The following MLX variants were observed in gnomAD, a reference collection of about 807,000 sequenced individuals.
MLX encodes max-like protein X.
MLX carries 15 observed loss-of-function variants against 33.0 expected under a neutral mutation model. The observed-to-expected ratio is 0.45, with a 90% CI of 0.30 to 0.70. MLX has a LOEUF of 0.70. MLX is among the 30% of genes least tolerant of loss of function. The pLI is 0.07. For missense variants in MLX, 285 were observed against 306.3 expected (o/e 0.93, Z 0.52); for synonymous variants, 115 against 115.6 (o/e 0.99, Z 0.03).
chr17:42,568,509 C>T lies in MLX; in HGVS notation c.119C>T (p.Ser40Phe). 6.2e-7 allele frequency: 1 copy of T among 1,613,906 alleles called. No homozygotes were observed. The highest frequency in any genetic ancestry group is 8.5e-7 in the Non-Finnish European group (1 of 1,179,912). The change falls in exon 3 of 8, where the codon TCC becomes TTC. Residue 40 changes from serine to phenylalanine, a missense_variant. Physicochemically the swap from Ser to Phe is radical, Grantham distance 155. Coordinates refer to ENST00000435881, the MANE Select transcript of MLX (RefSeq NM_198204.2). The stretch of plus-strand genomic sequence containing the variant: ...AGCACCCGCAAGGGGAGTGTAGTGT[C>T]CAGAGCTAATAGCATCGGTTCCACC... ...VESTRKGSVV[S>F]RANSIGSTSA...
At chr17:42,571,002 G>C in intron 7 of MLX, among the ~76,000 whole-genome samples, 1 of 152,092 alleles carries the variant, frequency 6.6e-6, no homozygotes, top group East Asian at 1.9e-4. Context: ...ATATTGCGAT[G>C]TTGAGAGGAG....
chr17:42,571,891 A>G lies in MLX; in HGVS notation c.*288A>G, dbSNP rs892418286. ...GATGGGCGTCTGCTCTGGACACCCC[A>G]AAGAGCTCCTGCCCTCTCAGCCCTT... On this transcript the variant is annotated 3_prime_UTR_variant, in exon 8 of 8. Transcript: ENST00000435881. 4.5e-6 allele frequency: 2 copies of G among 443,108 alleles called. No homozygotes were observed. Among genetic ancestry groups the G allele is most frequent in the Non-Finnish European group, 8.2e-6 (2 of 243,162 alleles). The allele number at this position is 443,108 out of a possible 1,614,324, so 27.4% of individuals were successfully genotyped here.
chr17:42,569,751 A>G (rs1377023148), intron 6 of MLX, 145 bp downstream of exon 6: 4 of 748,290 alleles, frequency 5.3e-6, no homozygotes, highest in Non-Finnish European at 9.1e-6. Flanking sequence ...TGTATCCCCA[A>G]CTGTCCTTAC....
At chr17:42,567,242 G>T in intron 1 of MLX, 76 bp downstream of exon 1, 1 of 1,317,524 alleles carries the variant, frequency 7.6e-7, no homozygotes. Flanking sequence ...CGGAAGACGA[G>T]GGGCTTCCCT....
At chr17:42,570,787 C>T (rs1312498386) in intron 7 of MLX, among the ~76,000 whole-genome samples, 1 of 152,100 alleles carries the variant, frequency 6.6e-6, no homozygotes, top group East Asian at 1.9e-4. Flanking sequence ...TCCCGAGTAG[C>T]TGGGACTACA....
rs370634053 is a variant in MLX, at chr17:42,568,832, C to T, written c.170-5C>T. ...ACCTTTCCCTGCCCCCATCTCTGAGCGTAGATGATGAGGACAGTGATTACC... is the reference window on the plus strand; with the variant it reads ...ACCTTTCCCTGCCCCCATCTCTGAGTGTAGATGATGAGGACAGTGATTACC... On this transcript the variant is annotated splice_region_variant and splice_polypyrimidine_tract_variant and intron_variant, in intron 3 of 7. Coordinates refer to ENST00000435881, the MANE Select transcript of MLX (RefSeq NM_198204.2). The T allele has an allele frequency of 1.5e-4, 234 of 1,600,980 alleles. No homozygotes were observed. Among genetic ancestry groups the T allele is most frequent in the Admixed American group, 1.9e-4 (11 of 58,498 alleles).
At chr17:42,570,318 T>C (rs1428593198) in intron 7 of MLX, 135 bp downstream of exon 7, 36 of 759,746 alleles carry the variant, frequency 4.7e-5, no homozygotes, top group Non-Finnish European at 7.1e-5. Flanking sequence ...TTGAGGGCCC[T>C]GGTATTTTCC....
Position 42,568,535 on chromosome 17 carries a change from A to C in MLX, c.145A>C (p.Ser49Arg), listed in dbSNP as rs746067080. Reference sequence around the variant, plus strand: ...CAGAGCTAATAGCATCGGTTCCACCAGTGCCTCTTCTGTCCCCAACACAGG... The same window carrying C: ...CAGAGCTAATAGCATCGGTTCCACCCGTGCCTCTTCTGTCCCCAACACAGG... ...VSRANSIGSTSASSVPNTDDE... is the reference protein window; with the variant it reads ...VSRANSIGSTRASSVPNTDDE... The change falls in exon 3 of 8, where the codon AGT becomes CGT. Residue 49 changes from serine to arginine, a missense_variant. Transcript: ENST00000435881. The C allele has an allele frequency of 6.2e-7, 1 of 1,613,846 alleles. No individual in the cohort carries two copies.
chr17:42,568,803 G>C lies in MLX; in HGVS notation c.170-34G>C, dbSNP rs201795701. The stretch of plus-strand genomic sequence containing the variant: ...CTAGCTGGACCCCACTGGGCCCCAA[G>C]ATGACCTTTCCCTGCCCCCATCTCT... On this transcript the variant is annotated intron_variant, in intron 3 of 7. Coordinates refer to ENST00000435881, the MANE Select transcript of MLX (RefSeq NM_198204.2). The C allele has an allele frequency of 1.8e-4, 282 of 1,560,768 alleles. 1 individual carries two copies. Among genetic ancestry groups the C allele is most frequent in the Non-Finnish European group, 4.5e-5 (51 of 1,145,952 alleles).
intron 6 of MLX, 112 bp from the exon 7 acceptor site, chr17:42,569,870 C>A: frequency 1.9e-6 from 2 of 1,061,496 alleles, no homozygotes; most frequent in African/African-American, 1.6e-5. Context: ...CTGAACCCCA[C>A]CCAGAAGCTC....
At chr17:42,568,592 G>T (rs372463522) in intron 3 of MLX, 33 bp downstream of exon 3, 34 of 1,566,500 alleles carry the variant, frequency 2.2e-5, no homozygotes, top group South Asian at 4.4e-5. Flanking sequence ...ACCTCGGGGG[G>T]CTCAGATATG....
In MLX at chr17:42,569,231, G is replaced by T; in HGVS notation, c.304G>T (p.Val102Phe). 6.2e-7 allele frequency: 1 copy of T among 1,614,022 alleles called. No individual in the cohort carries two copies. The highest frequency in any genetic ancestry group is 8.5e-7 in the Non-Finnish European group (1 of 1,180,008). The change falls in exon 5 of 8, where the codon GTC (valine) becomes TTC (phenylalanine). Residue 102 changes from valine to phenylalanine, a missense_variant. By Grantham distance (50) the Val-to-Phe change is conservative. Transcript: ENST00000435881. The part of the protein sequence containing the change: ...KRGYDDLQTI[V>F]PTCQQQDFSI... ...AGGCTATGATGACCTTCAGACCATC[G>T]TCCCCACTTGCCAGCAGCAGGACTT... is the stretch of plus-strand genomic sequence containing the variant.
chr17:42,571,610 C>T lies in MLX; in HGVS notation c.*7C>T, dbSNP rs777328045. ...GAAAAACCAGCTTTACTGACCGGTT[C>T]TTGGAAACCTGGAGAACAGCCAACA... is the stretch of plus-strand genomic sequence containing the variant. On this transcript the variant is annotated 3_prime_UTR_variant, in exon 8 of 8. Transcript: ENST00000435881. 1 of 1,612,566 alleles carries T rather than the reference C, an allele frequency of 6.2e-7. No individual in the cohort carries two copies. Among genetic ancestry groups the T allele is most frequent in the Non-Finnish European group, 8.5e-7 (1 of 1,178,704 alleles).
intron 6 of MLX, 140 bp from the exon 7 acceptor site, chr17:42,569,842 A>ATTCC: frequency 1.3e-6 from 1 of 797,584 alleles, no homozygotes; most frequent in Non-Finnish European, 2.0e-6. Context: ...CTGACCTGGA[A>ATTCC]GCAGTATCTC....
chr17:42,568,954 A>T lies in MLX; in HGVS notation c.276+11A>T. ...AGGGACGCCATCAAGGTGAACAGGG[A>T]GGCCTGTGCCTCAGCCAGTGCGGGA... On this transcript the variant is annotated intron_variant, in intron 4 of 7. Transcript: ENST00000435881. The T allele has an allele frequency of 6.2e-7, 1 of 1,602,114 alleles. No homozygotes were observed. The highest frequency in any genetic ancestry group is 8.5e-7 in the Non-Finnish European group (1 of 1,173,614).
intron 2 of MLX, chr17:42,568,224 G>C (rs2093016642): frequency 1.3e-5 from 3 of 229,292 alleles, no homozygotes; most frequent in Non-Finnish European, 2.6e-5. Context: ...TTAGCCGGGC[G>C]TGGTGGCGGG....
At chr17:42,567,431 C>A in intron 1 of MLX, 188 bp from the exon 2 acceptor site, 1 of 1,383,012 alleles carries the variant, frequency 7.2e-7, no homozygotes. Context: ...CTCGCACGCC[C>A]TAGCCTGTGC....
rs560103899 is a variant in MLX at position 42,571,105 on chromosome 17, A to T, written c.679-442A>T. ...TCCATCTTGCTTCAGGAGCACCTCA[A>T]ATTAAACTGCAGACATCAGTACTTC... On this transcript the variant is annotated intron_variant, in intron 7 of 7. Transcript: ENST00000435881. Among the ~76,000 whole-genome samples the T allele has an allele frequency of 2.6e-5, 4 of 151,288 alleles. No homozygotes were observed. In the East Asian group the frequency reaches 7.8e-4, roughly 29 times the overall value.
chr17:42,569,800 T>A, intron 6 of MLX, 182 bp from the exon 7 acceptor site: 1 of 719,166 alleles, frequency 1.4e-6, no homozygotes. Context: ...TGGATTAATG[T>A]AAGGAAGGTT....
Sources: allele counts gnomAD v4.1 joint callset (sites outside exome capture counted in the v4.1 genomes callset), GRCh38; gene constraint gnomAD v4.1.1; transcripts MANE v1.5; gene names NCBI Gene and HGNC (gene_info 2026-07-23, HGNC 2026-07-21).